The following FAM3A variants were observed in gnomAD, a reference collection of about 807,000 sequenced individuals.
The protein encoded by FAM3A is FAM3 metabolism regulating signaling molecule A.
In FAM3A, 5 loss-of-function variants were observed where a neutral mutation model predicts 18.1. That is an observed-to-expected ratio of 0.28 (90% CI 0.14 to 0.58). The LOEUF (loss-of-function observed/expected upper bound fraction) is 0.58. Ranked by LOEUF, FAM3A falls within the 20% of genes least tolerant of loss-of-function variation. The pLI, the probability that FAM3A is intolerant of heterozygous loss-of-function variation, is 0.91. For synonymous variants in FAM3A, 108 were observed against 90.2 expected, an observed-to-expected ratio of 1.20 and a Z score of -1.12; for missense variants, 154 against 216.6, an observed-to-expected ratio of 0.71 and a Z score of 1.81.
intron 3 of FAM3A, chrX:154,508,872 A>C: frequency 2.3e-6 from 1 of 436,958 alleles, no homozygotes; most frequent in Non-Finnish European, 4.3e-6. Flanking sequence ...GCCAGGAACA[A>C]AGCAGGGGTG....
chrX:154,514,664 A>G (rs1020254698), intron 1 of FAM3A, among the ~76,000 whole-genome samples: 1 of 111,766 alleles, frequency 8.9e-6, no homozygotes. Context: ...TCGGCCTCCC[A>G]AAGTGCTGGG....
chrX:154,508,960 C>G, intron 3 of FAM3A: 2 of 245,147 alleles, frequency 8.2e-6, no homozygotes, highest in South Asian at 5.3e-5. Context: ...GGTAGTGTGG[C>G]AGGGGGTGCA....
chrX:154,515,821 G>A lies in FAM3A; in HGVS notation c.-49C>T, dbSNP rs2070165941. 8.3e-7 allele frequency: 1 copy of A among 1,203,067 alleles called. No homozygotes were observed. Among genetic ancestry groups the A allele is most frequent in the Admixed American group, 2.2e-5 (1 of 46,058 alleles). ...GACCGCCGGCAAGTGCACTGTTTGGGGGCAAAGCGGAAGGACAGGTTTGGG... is the reference window on the plus strand; with the variant it reads ...GACCGCCGGCAAGTGCACTGTTTGGAGGCAAAGCGGAAGGACAGGTTTGGG... On this transcript the variant is annotated 5_prime_UTR_variant, in exon 1 of 9. Transcript: ENST00000447601.
At chrX:154,507,072 T>G in intron 8 of FAM3A, 131 bp downstream of exon 8, 11 of 973,593 alleles carry the variant, frequency 1.1e-5, no homozygotes, top group Non-Finnish European at 1.5e-5. Flanking sequence ...TCAGCTGCAC[T>G]GGCCCACCCC....
chrX:154,506,545 G>C lies in FAM3A; in HGVS notation c.*266C>G. 1 of 375,792 alleles carries C rather than the reference G, an allele frequency of 2.7e-6. No homozygotes were observed. The highest frequency in any genetic ancestry group is 4.7e-6 in the Non-Finnish European group (1 of 211,647). 31.0% of individuals were successfully genotyped at this position (375,792 alleles called of 1,213,427 possible). A position where few individuals can be genotyped will look rare whatever the true frequency, so the allele number is the denominator to read the frequency against. ...GAGGAATGGAGGACAGGGCTAGATGGGCTGACCGGGGGGAACAGTGTTACG... is the reference window on the plus strand; with the variant it reads ...GAGGAATGGAGGACAGGGCTAGATGCGCTGACCGGGGGGAACAGTGTTACG... On this transcript the variant is annotated 3_prime_UTR_variant, in exon 9 of 9. Coordinates refer to ENST00000447601, the MANE Select transcript of FAM3A (RefSeq NM_021806.4).
Position 154,507,100 on chromosome X carries a change from A to G in FAM3A, c.597+103T>C, listed in dbSNP as rs12396081. On this transcript the variant is annotated intron_variant, in intron 8 of 8. Transcript: ENST00000447601. ...CCCACCCCTCATAGCTGGACTGGGG[A>G]CGGTCCCCTGCTGGGGCGTGAGCAG... is the stretch of plus-strand genomic sequence containing the variant. 2,051 of 1,058,534 alleles carry G rather than the reference A, an allele frequency of 1.9e-3. 24 individuals carry two copies. The African/African-American group carries it at 0.035, about 18-fold the overall frequency. 87.2% of individuals were successfully genotyped at this position (1,058,534 alleles called of 1,213,427 possible).
rs200673266 is a variant in FAM3A at position 154,507,760 on chromosome X, C to T, written c.385+51G>A. ...GAGAGCAGTGTCTCAGGGGAAGCTG[C>T]CCAGGTCATTTTGCTGCAGTCAAAA... On this transcript the variant is annotated intron_variant, in intron 6 of 8. Transcript: ENST00000447601. 9 of 1,095,852 alleles carry T rather than the reference C, an allele frequency of 8.2e-6. No individual in the cohort carries two copies. The East Asian group carries it at 2.9e-4, about 35-fold the overall frequency. The allele number at this position is 1,095,852 out of a possible 1,213,427, so 90.3% of individuals were successfully genotyped here. A position where few individuals can be genotyped will look rare whatever the true frequency, so the allele number is the denominator to read the frequency against.
chrX:154,509,439 T>C (rs1448007387), intron 3 of FAM3A: 1 of 113,404 alleles, frequency 8.8e-6, no homozygotes, highest in Non-Finnish European at 1.8e-5. Context: ...TTCCAGGAAA[T>C]GGATACAGGT....
At chrX:154,507,758 T>C in intron 6 of FAM3A, 53 bp downstream of exon 6, 2 of 1,084,296 alleles carry the variant, frequency 1.8e-6, no homozygotes, top group Non-Finnish European at 2.5e-6. Flanking sequence ...CAGGGGAAGC[T>C]GCCCAGGTCA....
intron 3 of FAM3A, chrX:154,511,453 C>T (rs1603405441): frequency 1.4e-5 from 2 of 146,786 alleles, no homozygotes; most frequent in Non-Finnish European, 2.6e-5. Context: ...AGGGTGGCCC[C>T]GAAGGTGGGG....
At chrX:154,508,697 C>T (rs1557220935) in intron 3 of FAM3A, 100 bp from the exon 4 acceptor site, 12 of 1,007,559 alleles carry the variant, frequency 1.2e-5, no homozygotes, top group Admixed American at 1.0e-4. Flanking sequence ...AACAAGTGAC[C>T]GCAGAGCAGG....
In FAM3A at chrX:154,507,301, T is replaced by G; in HGVS notation, c.499A>C (p.Ser167Arg). The part of the protein sequence containing the change: ...KMNEETRKLF[S>R]ELGSRNAKEL... The stretch of plus-strand genomic sequence containing the variant: ...TTGGCGTTCCTGCTGCCCAGCTCAC[T>G]GAAGAGCTTTCTGGTCTCTTCATTC... The change falls in exon 8 of 9, where the codon AGT (serine) becomes CGT (arginine). Residue 167 changes from serine to arginine, a missense_variant. Physicochemically the swap from Ser to Arg is moderately radical, Grantham distance 110. This residue lies in a region of FAM3A where 112 missense variants were observed against 160.0 expected (regional missense o/e 0.70). Coordinates refer to ENST00000447601, the MANE Select transcript of FAM3A (RefSeq NM_021806.4). 8.3e-7 allele frequency: 1 copy of G among 1,211,694 alleles called. No individual in the cohort carries two copies. The highest frequency in any genetic ancestry group is 1.1e-6 in the Non-Finnish European group (1 of 895,431).
intron 1 of FAM3A, among the ~76,000 whole-genome samples, chrX:154,514,032 T>C (rs1299204560): frequency 9.1e-6 from 1 of 109,967 alleles, no homozygotes; most frequent in African/African-American, 3.3e-5. Flanking sequence ...AGCCTTGATC[T>C]TCCTTGACCT....
At chrX:154,511,547 A>C (rs782247917) in intron 3 of FAM3A, 53 of 313,536 alleles carry the variant, frequency 1.7e-4, no homozygotes, top group Non-Finnish European at 3.0e-4. Flanking sequence ...CAGGCCTTGA[A>C]ACCAAATGAA....
At chrX:154,507,131 G>T in intron 8 of FAM3A, 72 bp downstream of exon 8, 1 of 1,139,945 alleles carries the variant, frequency 8.8e-7, no homozygotes, top group Non-Finnish European at 1.2e-6. Context: ...AGCAGCTGGG[G>T]AGGCTCGTCG....
At chrX:154,512,401 T>C in intron 2 of FAM3A, 1 of 232,446 alleles carries the variant, frequency 4.3e-6, no homozygotes, top group South Asian at 5.8e-5. Flanking sequence ...ATTGCACCAC[T>C]GCACTCCAGC....
intron 3 of FAM3A, chrX:154,510,971 C>G (rs1175659942): frequency 9.1e-6 from 1 of 110,081 alleles, no homozygotes; most frequent in South Asian, 3.8e-4. Context: ...AGTGTTTTGT[C>G]GAAAGGAGAA....
At chrX:154,507,180 G>A (rs368957891) in intron 8 of FAM3A, 23 bp downstream of exon 8, 9 of 1,184,533 alleles carry the variant, frequency 7.6e-6, no homozygotes, top group East Asian at 3.1e-5. Context: ...CCCGGTGGGG[G>A]TGATGCCAGG....
chrX:154,508,450 C>T, intron 4 of FAM3A, 24 bp downstream of exon 4: 1 of 1,196,064 alleles, frequency 8.4e-7, no homozygotes, highest in Non-Finnish European at 1.1e-6. Flanking sequence ...CCTCCCTGAT[C>T]CCCAGTCACC....
Sources: allele counts gnomAD v4.1 joint callset (sites outside exome capture counted in the v4.1 genomes callset), GRCh38; gene constraint gnomAD v4.1.1; regional missense constraint gnomAD v4.1.1; transcripts MANE v1.5; gene names NCBI Gene and HGNC (gene_info 2026-07-23, HGNC 2026-07-21).